KIF26B: variants seen among roughly 807,000 people sequenced by gnomAD.
KIF26B encodes the protein kinesin-like protein KIF26B.
A neutral mutation model predicts 151.2 loss-of-function variants in KIF26B; 63 were observed. The ratio of observed to expected loss-of-function variants is 0.42; its 90% CI spans 0.34 to 0.51. The LOEUF is 0.51. KIF26B is among the 20% of genes least tolerant of loss of function. The pLI is 0.07. For synonymous variants in KIF26B, 1,357 were observed against 1,262.1 expected (o/e 1.08, Z -1.59); for missense variants, 2,813 against 2,913.6 (o/e 0.97, Z 0.79).
chr1:245,516,339 C>T lies in KIF26B; in HGVS notation c.1167-24428C>T, dbSNP rs773260103. 6.6e-6 allele frequency among the ~76,000 whole-genome samples: 1 copy of T among 152,098 alleles called. No homozygotes were observed. Among genetic ancestry groups the T allele is most frequent in the South Asian group, 2.1e-4 (1 of 4,808 alleles). On this transcript the variant is annotated intron_variant, in intron 4 of 14. Transcript: ENST00000407071. The surrounding 1 kb of genome is among the most constrained non-coding windows in gnomAD (Gnocchi z 4.2). Reference sequence around the variant, plus strand: ...AACAAAACGTGTAACAGGAATTGTCCGTTCCCATGGCCAGTCCTCATGTAG... The same window carrying T: ...AACAAAACGTGTAACAGGAATTGTCTGTTCCCATGGCCAGTCCTCATGTAG...
At chr1:245,664,453 TC>T (rs199768566) in intron 10 of KIF26B, among the ~76,000 whole-genome samples, 7 of 152,154 alleles carry the variant, frequency 4.6e-5, no homozygotes, top group South Asian at 2.1e-4. Context: ...CTTTTTTTTT[TC>T]TCCTGTTACA....
At chr1:245,690,282 C>T (rs1032556686) in intron 12 of KIF26B, among the ~76,000 whole-genome samples, 2 of 152,234 alleles carry the variant, frequency 1.3e-5, no homozygotes, top group Non-Finnish European at 2.9e-5. Flanking sequence ...CCTGTCTCTC[C>T]CCTCCCGCTG....
At chr1:245,184,049 TG>T (rs1328312448) in intron 2 of KIF26B, among the ~76,000 whole-genome samples, 12 of 114,022 alleles carry the variant, frequency 1.1e-4, no homozygotes, top group African/African-American at 1.4e-4. Flanking sequence ...TGGGAGTTGT[TG>T]TTTTTTTTTT....
chr1:245,690,683 C>A (rs1234964138), intron 12 of KIF26B, among the ~76,000 whole-genome samples: 1 of 151,582 alleles, frequency 6.6e-6, no homozygotes, highest in Non-Finnish European at 1.5e-5. Flanking sequence ...GGATGTTAGG[C>A]TCTAAGCATG....
At chr1:245,674,056 C>T (rs2044328476) in intron 10 of KIF26B, among the ~76,000 whole-genome samples, 1 of 152,184 alleles carries the variant, frequency 6.6e-6, no homozygotes, top group African/African-American at 2.4e-5. Context: ...AGCACATACT[C>T]CTAAACCTGA....
chr1:245,255,915 A>G (rs902740527), intron 2 of KIF26B, among the ~76,000 whole-genome samples: 4 of 152,134 alleles, frequency 2.6e-5, no homozygotes, highest in African/African-American at 9.7e-5. Flanking sequence ...CCATTCCTTC[A>G]TGGTACTTAA....
chr1:245,608,533 A>T (rs1365775513), intron 7 of KIF26B, among the ~76,000 whole-genome samples: 2 of 152,214 alleles, frequency 1.3e-5, no homozygotes, highest in Non-Finnish European at 2.9e-5. Flanking sequence ...GAATTTGCTC[A>T]TGCCATAAAA....
rs1182342557 is a variant in KIF26B at position 245,375,952 on chromosome 1, C to T, written c.999+8585C>T. On this transcript the variant is annotated intron_variant, in intron 3 of 14. Coordinates refer to ENST00000407071, the MANE Select transcript of KIF26B (RefSeq NM_018012.4). The surrounding 1 kb of genome is among the most constrained non-coding windows in gnomAD (Gnocchi z 4.2). The stretch of plus-strand genomic sequence containing the variant: ...TACTGCACCGCTGGTTTGCGATTGT[C>T]TCAGATTTCCCTATTGTTATAGAAT... 6.6e-6 allele frequency among the ~76,000 whole-genome samples: 1 copy of T among 152,184 alleles called. No individual in the cohort carries two copies. The highest frequency in any genetic ancestry group is 1.5e-5 in the Non-Finnish European group (1 of 68,034).
Position 245,563,187 on chromosome 1 carries a change from A to G in KIF26B, c.1350+22237A>G, listed in dbSNP as rs377138527. Among the ~76,000 whole-genome samples, 6 of 152,368 alleles carry G rather than the reference A, an allele frequency of 3.9e-5. 1 individual carries two copies. Among genetic ancestry groups the G allele is most frequent in the African/African-American group, 1.2e-4 (5 of 41,590 alleles). On this transcript the variant is annotated intron_variant, in intron 5 of 14. Transcript: ENST00000407071. The surrounding 1 kb of genome is among the most constrained non-coding windows in gnomAD (Gnocchi z 4.6). ...ATTCAAATGCTTTGCGTTAAATGCC[A>G]GTCAGTGTCTCTTCCCAAAGACCCC...
intron 7 of KIF26B, among the ~76,000 whole-genome samples, 173 bp downstream of exon 7, chr1:245,607,917 A>G (rs2043474269): frequency 6.6e-6 from 1 of 152,242 alleles, no homozygotes; most frequent in Admixed American, 6.5e-5. Flanking sequence ...TGTTCATTGT[A>G]GGTGGACACC....
Position 245,703,931 on chromosome 1 carries a change from C to T in KIF26B, c.*1325C>T, listed in dbSNP as rs1029764464. 1 of 152,376 alleles carries T rather than the reference C, an allele frequency of 6.6e-6. No homozygotes were observed. Among genetic ancestry groups the T allele is most frequent in the African/African-American group, 2.4e-5 (1 of 41,580 alleles). The allele number at this position is 152,376 out of a possible 1,614,324, so 9.4% of individuals were successfully genotyped here. On this transcript the variant is annotated 3_prime_UTR_variant, in exon 15 of 15. Coordinates refer to ENST00000407071, the MANE Select transcript of KIF26B (RefSeq NM_018012.4). ...CTTCCCCTCCATAACTCACACGACC[C>T]TGGATAGGCAGAACATAGCTGAAGA... is the stretch of plus-strand genomic sequence containing the variant.
In KIF26B at chr1:245,705,526, C is replaced by T. The variant is rs1219734508; in HGVS notation, c.*2920C>T. 1 of 152,008 alleles carries T rather than the reference C, an allele frequency of 6.6e-6. No homozygotes were observed. Among genetic ancestry groups the T allele is most frequent in the Non-Finnish European group, 1.5e-5 (1 of 68,000 alleles). The allele number at this position is 152,008 out of a possible 1,614,324, so 9.4% of individuals were successfully genotyped here. The stretch of plus-strand genomic sequence containing the variant: ...CCCCTTGGTTTTGGTGATAGAGAAC[C>T]CAAGGAGGCAAGGGGGAATATCAAC... On this transcript the variant is annotated 3_prime_UTR_variant, in exon 15 of 15. Transcript: ENST00000407071.
At chr1:245,688,847 C>T in intron 12 of KIF26B, 40 bp downstream of exon 12, 3 of 1,524,560 alleles carry the variant, frequency 2.0e-6, no homozygotes, top group Non-Finnish European at 2.6e-6. Flanking sequence ...AGGAGGGCGG[C>T]AGGTGGGCGA....
chr1:245,615,056 C>T (rs2043573697), intron 9 of KIF26B: 1 of 152,194 alleles, frequency 6.6e-6, no homozygotes, highest in South Asian at 2.1e-4. Flanking sequence ...CCACATTTCT[C>T]CTGACTGTGT....
intron 2 of KIF26B, among the ~76,000 whole-genome samples, chr1:245,246,612 G>A (rs185115137): frequency 6.6e-6 from 1 of 152,214 alleles, no homozygotes; most frequent in Admixed American, 6.6e-5. Context: ...ACTCCAGCTG[G>A]TTTATATTCT....
At chr1:245,539,226 C>T (rs1349181233) in intron 4 of KIF26B, among the ~76,000 whole-genome samples, 10 of 152,092 alleles carry the variant, frequency 6.6e-5, no homozygotes, top group African/African-American at 1.2e-4. Context: ...ACACCATTTG[C>T]TATATTTGTG....
chr1:245,540,553 G>C lies in KIF26B; in HGVS notation c.1167-214G>C, dbSNP rs1379189712. 1.0e-5 allele frequency: 7 copies of C among 703,506 alleles called. No homozygotes were observed. In the Admixed American group the frequency reaches 1.0e-4, roughly 10 times the overall value. 43.6% of individuals were successfully genotyped at this position (703,506 alleles called of 1,614,324 possible). A position where few individuals can be genotyped will look rare whatever the true frequency, so the allele number is the denominator to read the frequency against. ...GATTGCAGAATCCTGCTATTTTATGGCTTTGTTTTTCCTTTTGTCGTATAA... is the reference window on the plus strand; with the variant it reads ...GATTGCAGAATCCTGCTATTTTATGCCTTTGTTTTTCCTTTTGTCGTATAA... On this transcript the variant is annotated intron_variant, in intron 4 of 14. Transcript: ENST00000407071. This position sits in a 1 kb window ranked among gnomAD's most constrained non-coding sequence, Gnocchi z 4.6.
At chr1:245,590,636 G>C (rs34263499) in intron 5 of KIF26B, among the ~76,000 whole-genome samples, 16,031 of 152,232 alleles carry the variant, frequency 0.11, 881 homozygotes, top group Middle Eastern at 0.18. Context: ...GGCCGGGCAC[G>C]GTGGCTCACG....
At chr1:245,435,731 G>T (rs1330640793) in intron 4 of KIF26B, among the ~76,000 whole-genome samples, 2 of 152,306 alleles carry the variant, frequency 1.3e-5, no homozygotes, top group African/African-American at 4.8e-5. Context: ...GTGCACTGTG[G>T]AAGTCTCTGC....
Sources: allele counts gnomAD v4.1 joint callset (sites outside exome capture counted in the v4.1 genomes callset), GRCh38; gene constraint gnomAD v4.1.1; non-coding constraint Gnocchi (gnomAD v3.1); transcripts MANE v1.5; gene names NCBI Gene and HGNC (gene_info 2026-07-23, HGNC 2026-07-21).